The following SLC2A14 variants were observed in gnomAD, a reference collection of about 807,000 sequenced individuals.
SLC2A14 encodes the protein solute carrier family 2 member 14, also known as solute carrier family 2, facilitated glucose transporter member 14.
Under a neutral mutation model 43.0 loss-of-function variants are expected in SLC2A14, and 13 were observed. The ratio of observed to expected loss-of-function variants is 0.30; its 90% CI spans 0.20 to 0.48. The LOEUF is 0.48. Among genes scored for constraint, SLC2A14 ranks in the 20% least tolerant of loss-of-function variants. The pLI is 0.99. For synonymous variants in SLC2A14, 190 were observed against 233.8 expected, an observed-to-expected ratio of 0.81 and a Z score of 1.71; for missense variants, 428 against 620.4, an observed-to-expected ratio of 0.69 and a Z score of 3.29.
At chr12:7,842,187 T>C (rs1226291816) in intron 2 of SLC2A14, among the ~76,000 whole-genome samples, 2 of 152,196 alleles carry the variant, frequency 1.3e-5, no homozygotes, top group African/African-American at 4.8e-5. Flanking sequence ...GTGATATTCA[T>C]TGAAGGTCCC....
intron 2 of SLC2A14, among the ~76,000 whole-genome samples, chr12:7,853,644 CAT>C (rs2120944262): frequency 6.6e-6 from 1 of 152,050 alleles, no homozygotes; most frequent in South Asian, 2.1e-4. Context: ...AAAAGGCAAA[CAT>C]ATTTCTGAAA....
At chr12:7,852,148 C>T (rs930589973) in intron 2 of SLC2A14, among the ~76,000 whole-genome samples, 2 of 151,998 alleles carry the variant, frequency 1.3e-5, no homozygotes, top group Admixed American at 6.6e-5. Context: ...GATTACTTAC[C>T]TCCTCAAGAA....
chr12:7,889,724 C>G (rs1251980412), intron 1 of SLC2A14, among the ~76,000 whole-genome samples: 2 of 151,056 alleles, frequency 1.3e-5, no homozygotes, highest in African/African-American at 2.4e-5. Context: ...TTAGTAGAGA[C>G]AGGGTTCCAT....
chr12:7,861,686 T>C (rs1423463618), intron 2 of SLC2A14, among the ~76,000 whole-genome samples: 2 of 151,866 alleles, frequency 1.3e-5, no homozygotes, highest in Non-Finnish European at 2.9e-5. Context: ...AAACAGGCCA[T>C]GCGCGGAGGC....
upstream of SLC2A14, among the ~76,000 whole-genome samples, chr12:7,875,060 ATATATTAAATAT>A (rs1295346153): frequency 7.3e-5 from 8 of 109,582 alleles, no homozygotes; most frequent in African/African-American, 2.6e-4. Context: ...TATATAAATT[ATATATTAAATAT>A]TATATTTAAT....
chr12:7,862,545 G>A (rs1254759626), intron 2 of SLC2A14, among the ~76,000 whole-genome samples: 1 of 152,006 alleles, frequency 6.6e-6, no homozygotes, highest in Non-Finnish European at 1.5e-5. Flanking sequence ...CAGTCCCATC[G>A]ACCACCCAAG....
intron 2 of SLC2A14, among the ~76,000 whole-genome samples, chr12:7,858,704 G>T (rs897692765): frequency 2.6e-5 from 4 of 152,012 alleles, no homozygotes; most frequent in Non-Finnish European, 4.4e-5. Context: ...TCTCCATGTT[G>T]GTCAGGCTGA....
Position 7,821,264 on chromosome 12 carries a change from G to A in SLC2A14, c.926C>T (p.Thr309Ile). 1.2e-6 allele frequency: 2 copies of A among 1,613,980 alleles called. No homozygotes were observed. Among genetic ancestry groups the A allele is most frequent in the Non-Finnish European group, 1.7e-6 (2 of 1,179,946 alleles). The change falls in exon 8 of 11, where the codon ACC becomes ATC. Residue 309 changes from threonine to isoleucine, a missense_variant. Thr to Ile is a moderately conservative substitution (Grantham distance 89). This residue lies in a region of SLC2A14 where 185 missense variants were observed against 275.4 expected (regional missense o/e 0.67). Transcript: ENST00000431042. The stretch of plus-strand genomic sequence containing the variant: ...AGTATTAACCACACCCGCGCTGATG[G>A]TGGCATAGATGGGCTGTTGAACACC... ...DAGVQQPIYA[T>I]ISAGVVNTIF...
intron 2 of SLC2A14, among the ~76,000 whole-genome samples, chr12:7,835,247 C>T (rs1380165597): frequency 1.3e-5 from 2 of 152,084 alleles, no homozygotes; most frequent in Non-Finnish European, 2.9e-5. Context: ...ATTAGCCAGC[C>T]GTGATGGCGT....
At chr12:7,831,895 G>A (rs1565519928) in intron 3 of SLC2A14, 131 bp from the exon 4 acceptor site, 2 of 1,136,924 alleles carry the variant, frequency 1.8e-6, no homozygotes. Context: ...GATCACCTGA[G>A]GTCAGGAGTT....
chr12:7,827,042 C>T (rs1437348284), intron 7 of SLC2A14, among the ~76,000 whole-genome samples: 3 of 136,566 alleles, frequency 2.2e-5, no homozygotes, highest in African/African-American at 8.3e-5. Context: ...CTCTTTCTCT[C>T]CTTTCTCTCT....
chr12:7,820,480 T>A (rs117930536), intron 8 of SLC2A14, among the ~76,000 whole-genome samples: 4,238 of 152,212 alleles, frequency 0.028, 126 homozygotes, highest in East Asian at 0.13. Flanking sequence ...GCTCTGATGC[T>A]ATCTCCAGGT....
intron 1 of SLC2A14, among the ~76,000 whole-genome samples, chr12:7,889,144 G>A (rs1316012322): frequency 2.0e-5 from 3 of 151,610 alleles, no homozygotes; most frequent in Admixed American, 6.6e-5. Flanking sequence ...AGTCCACAAG[G>A]CAAAGTGAAA....
rs781334990 is a variant in SLC2A14, at chr12:7,879,398, G to A, written c.132+11598C>T. On this transcript the variant is annotated intron_variant, in intron 1 of 9. Coordinates refer to the SLC2A14 transcript ENST00000539924. ...AGGCCATGTCTCAACAACAAAAAAA[G>A]AGGCCAGGTGCTATGGCTTATGCCT... is the stretch of plus-strand genomic sequence containing the variant. Among the ~76,000 whole-genome samples, 48 of 151,138 alleles carry A rather than the reference G, an allele frequency of 3.2e-4. 1 individual carries two copies. Among genetic ancestry groups the A allele is most frequent in the African/African-American group, 1.1e-3 (47 of 41,310 alleles).
At chr12:7,875,084 TTC>T (rs1945430625), upstream of SLC2A14, among the ~76,000 whole-genome samples, 1 of 59,086 alleles carries the variant, frequency 1.7e-5, no homozygotes, top group African/African-American at 6.5e-5. Context: ...ATATTTAATA[TTC>T]TATTTAAATT....
In SLC2A14 at chr12:7,849,768, C is replaced by T. The variant is rs925047228; in HGVS notation, c.19-16954G>A. The stretch of plus-strand genomic sequence containing the variant: ...GCAAAAAAAAATTAGCCGGGTGTGG[C>T]GGCGGGCACCTGTAGTCCCAGCTAC... On this transcript the variant is annotated intron_variant, in intron 2 of 10. Transcript: ENST00000431042. Among the ~76,000 whole-genome samples the T allele has an allele frequency of 6.0e-5, 9 of 150,952 alleles. No homozygotes were observed. The East Asian group carries it at 1.2e-3, about 20-fold the overall frequency.
chr12:7,886,928 T>C (rs1277708621), intron 1 of SLC2A14, among the ~76,000 whole-genome samples: 1 of 151,424 alleles, frequency 6.6e-6, no homozygotes, highest in Admixed American at 6.6e-5. Context: ...TTTTTTTTTT[T>C]TGAGACTGAG....
At chr12:7,853,353 C>T (rs1370353034) in intron 2 of SLC2A14, among the ~76,000 whole-genome samples, 1 of 148,152 alleles carries the variant, frequency 6.7e-6, no homozygotes, top group Non-Finnish European at 1.5e-5. Context: ...GCAGGAGAAT[C>T]GCTTGAACCC....
Position 7,832,204 on chromosome 12 carries a change from TTGGAATTAATGTTAAC to T in SLC2A14, c.112-456_112-441del, listed in dbSNP as rs1464839579. Among the ~76,000 whole-genome samples, 10 of 152,304 alleles carry T rather than the reference TTGGAATTAATGTTAAC, an allele frequency of 6.6e-5. No homozygotes were observed. In the East Asian group the frequency reaches 1.7e-3, roughly 26 times the overall value. On this transcript the variant is annotated intron_variant, in intron 3 of 10. Coordinates refer to ENST00000431042, the MANE Select transcript of SLC2A14 (RefSeq NM_001286234.2). ...GGGAATTGAAGAGGCAGATAACATA[TTGGAATTAATGTTAAC>T]TCTCCCTGGAATAGTAATTTTTCAT...
Sources: allele counts gnomAD v4.1 joint callset (sites outside exome capture counted in the v4.1 genomes callset), GRCh38; gene constraint gnomAD v4.1.1; regional missense constraint gnomAD v4.1.1; transcripts MANE v1.5; gene names NCBI Gene and HGNC (gene_info 2026-07-23, HGNC 2026-07-21).